The following HIVEP2 variants were observed in gnomAD, a reference collection of about 807,000 sequenced individuals.
HIVEP2 encodes transcription factor HIVEP2.
Under a neutral mutation model 180.7 loss-of-function variants are expected in HIVEP2, and 14 were observed. The ratio of observed to expected loss-of-function variants is 0.08; its 90% CI spans 0.05 to 0.12. The LOEUF (loss-of-function observed/expected upper bound fraction) is 0.12, where lower values mean the gene tolerates loss of function less well. HIVEP2 is among the 10% of genes least tolerant of loss of function. The pLI is 1.00. For missense variants in HIVEP2, 2,579 were observed against 3,008.5 expected, an observed-to-expected ratio of 0.86 and a Z score of 3.34; for synonymous variants, 1,184 against 1,136.4, an observed-to-expected ratio of 1.04 and a Z score of -0.84.
upstream of HIVEP2, among the ~76,000 whole-genome samples, chr6:142,945,492 G>T (rs1217929282): frequency 1.3e-5 from 2 of 152,058 alleles, no homozygotes; most frequent in African/African-American, 2.4e-5. This position sits in a 1 kb window ranked among gnomAD's most constrained non-coding sequence, Gnocchi z 5.5. Context: ...GCCACTTACC[G>T]AGCCGAGGAG....
rs1775201838 is a variant in HIVEP2, at chr6:142,760,537, A to G, written c.5751T>C (p.Asp1917=). The G allele has an allele frequency of 1.9e-6, 3 of 1,613,958 alleles. No individual in the cohort carries two copies. Among genetic ancestry groups the G allele is most frequent in the South Asian group, 1.1e-5 (1 of 91,084 alleles). The change falls in exon 9 of 10, where the codon GAT becomes GAC. Residue 1917 remains aspartate, a synonymous_variant. Transcript: ENST00000367603. ...DGDDNDDDDE[D]EDDFDDQGDL... is the part of the protein sequence containing the mutation. ...CTCCCTGGTCGTCAAAGTCATCTTCATCTTCATCATCATCATCATTATCAT... is the reference window on the plus strand; with the variant it reads ...CTCCCTGGTCGTCAAAGTCATCTTCGTCTTCATCATCATCATCATTATCAT...
intron 1 of HIVEP2, among the ~76,000 whole-genome samples, chr6:142,877,219 T>C (rs953798669): frequency 6.6e-6 from 1 of 152,204 alleles, no homozygotes; most frequent in Admixed American, 6.5e-5. Context: ...CTTCACCATG[T>C]AGTCCAACCT....
chr6:142,757,882 G>A (rs1033597688), intron 9 of HIVEP2, among the ~76,000 whole-genome samples: 4 of 152,138 alleles, frequency 2.6e-5, no homozygotes, highest in Non-Finnish European at 5.9e-5. Flanking sequence ...GCATGTTTGC[G>A]ATAAAGGCTT....
chr6:142,798,585 C>T (rs891640750), intron 2 of HIVEP2, among the ~76,000 whole-genome samples: 6 of 152,088 alleles, frequency 3.9e-5, no homozygotes, highest in Non-Finnish European at 8.8e-5. Flanking sequence ...TACAGTGTTT[C>T]GCCTGGGTTG....
chr6:142,838,271 G>C (rs1271634980), intron 1 of HIVEP2, among the ~76,000 whole-genome samples: 2 of 152,030 alleles, frequency 1.3e-5, no homozygotes, highest in Non-Finnish European at 2.9e-5. Context: ...CTAGATTCTA[G>C]TCTTACTGCT....
intron 1 of HIVEP2, among the ~76,000 whole-genome samples, chr6:142,934,092 C>T (rs1273251359): frequency 6.6e-6 from 1 of 152,204 alleles, no homozygotes; most frequent in Non-Finnish European, 1.5e-5. Flanking sequence ...TAATAAATTG[C>T]ATCAATATCA....
At chr6:142,763,885 C>G (rs1485612790) in intron 7 of HIVEP2, among the ~76,000 whole-genome samples, 1 of 152,192 alleles carries the variant, frequency 6.6e-6, no homozygotes, top group Admixed American at 6.5e-5. Flanking sequence ...CCCATTTACA[C>G]TTCTAGCAAT....
At position 142,771,388 on chromosome 6, in the gene HIVEP2, G is replaced by A. The variant is rs549456999; in HGVS notation, c.3351C>T (p.Ser1117=). ...QLEHLHAGLR[S]GWHHGPPAVL... ...CAGCAGGCGGGCCATGGTGCCACCC[G>A]GACCGGAGGCCAGCATGCAGGTGCT... The change falls in exon 5 of 10, where the codon TCC becomes TCT. Residue 1117 remains serine (S), a synonymous_variant. Transcript: ENST00000367603. The surrounding 1 kb of genome is among the most constrained non-coding windows in gnomAD (Gnocchi z 5.4). 4.6e-5 allele frequency: 74 copies of A among 1,613,028 alleles called. No homozygotes were observed. The South Asian group carries it at 7.0e-4, about 15-fold the overall frequency.
At chr6:142,922,123 A>G (rs986420403) in intron 1 of HIVEP2, among the ~76,000 whole-genome samples, 2 of 151,878 alleles carry the variant, frequency 1.3e-5, no homozygotes, top group Non-Finnish European at 2.9e-5. Context: ...ACAATCTCCC[A>G]CTTGTCCTTT....
intron 1 of HIVEP2, among the ~76,000 whole-genome samples, chr6:142,859,866 A>C (rs1214766919): frequency 1.3e-5 from 2 of 151,258 alleles, no homozygotes; most frequent in Non-Finnish European, 2.9e-5. Context: ...GAAAGAAAGA[A>C]AGAAAAAGAA....
At position 142,773,017 on chromosome 6, in the gene HIVEP2, G is replaced by A. The variant is rs559329860; in HGVS notation, c.1722C>T (p.Asp574=). The change falls in exon 5 of 10, where the codon GAC becomes GAT. Residue 574 remains aspartate, a synonymous_variant. Coordinates refer to ENST00000367603, the MANE Select transcript of HIVEP2 (RefSeq NM_006734.4). The part of the protein sequence containing the change: ...HSFDERMTGS[D]DVFYPGTVGI... ...CCACGGTCCCTGGATAGAATACATC[G>A]TCGGAACCAGTCATCCTTTCATCAA... 461 of 1,614,116 alleles carry A rather than the reference G, an allele frequency of 2.9e-4. 3 individuals carry two copies. The South Asian group carries it at 3.3e-3, about 11-fold the overall frequency.
rs752879933 is a variant in HIVEP2 at position 142,859,470 on chromosome 6, AAAAG to A, written c.-640-22427_-640-22424del. ...AGCAAGACCCAGTCTCAAAAAAAAA[AAAAG>A]AAAGAAAGAAAGAAAAGAATCCACA... On this transcript the variant is annotated intron_variant, in intron 1 of 9. Transcript: ENST00000367603. Among the ~76,000 whole-genome samples, 439 of 151,788 alleles carry A rather than the reference AAAAG, an allele frequency of 2.9e-3. 1 individual carries two copies. The highest frequency in any genetic ancestry group is 4.9e-3 in the Non-Finnish European group (331 of 67,884).
intron 1 of HIVEP2, among the ~76,000 whole-genome samples, chr6:142,900,503 C>T (rs923657224): frequency 2.6e-5 from 4 of 152,144 alleles, no homozygotes; most frequent in African/African-American, 9.7e-5. Flanking sequence ...CTCTTGCCAG[C>T]GCCTACTCTA....
intron 1 of HIVEP2, among the ~76,000 whole-genome samples, chr6:142,861,938 T>C (rs1199290898): frequency 6.6e-6 from 1 of 152,092 alleles, no homozygotes; most frequent in African/African-American, 2.4e-5. Context: ...ATGGGGGAAA[T>C]AGCTTGAGGG....
chr6:142,906,538 T>C (rs1404020486), intron 1 of HIVEP2, among the ~76,000 whole-genome samples: 2 of 151,748 alleles, frequency 1.3e-5, no homozygotes, highest in African/African-American at 4.8e-5. Flanking sequence ...ACAATCATGA[T>C]AAAAATGGGA....
Position 142,772,923 on chromosome 6 carries a change from C to T in HIVEP2, c.1816G>A (p.Val606Met), listed in dbSNP as rs1775590631. Residue 606 changes from valine to methionine, a missense_variant, in exon 5 of 10, where the codon GTG becomes ATG. Physicochemically the swap from Val to Met is conservative, Grantham distance 21. Transcript: ENST00000367603. This position sits in a 1 kb window ranked among gnomAD's most constrained non-coding sequence, Gnocchi z 4.9. Reference sequence around the variant, plus strand: ...ATCCTGCCATGGTGCTCGACTTCCACGTGGCCCTCCTGTACCGAAGGCAGC... The same window carrying T: ...ATCCTGCCATGGTGCTCGACTTCCATGTGGCCCTCCTGTACCGAAGGCAGC... ...FELPSVQEGH[V>M]EVEHHGRMLK... is the part of the protein sequence containing the mutation. The T allele has an allele frequency of 6.2e-6, 10 of 1,614,180 alleles. No homozygotes were observed. Among genetic ancestry groups the T allele is most frequent in the African/African-American group, 2.7e-5 (2 of 75,046 alleles).
intron 2 of HIVEP2, among the ~76,000 whole-genome samples, chr6:142,804,005 T>G (rs1776481853): frequency 6.6e-6 from 1 of 152,184 alleles, no homozygotes; most frequent in Non-Finnish European, 1.5e-5. Context: ...TTATCACCTG[T>G]TTTCACAATC....
intron 2 of HIVEP2, among the ~76,000 whole-genome samples, chr6:142,789,458 T>C (rs974120645): frequency 4.6e-5 from 7 of 152,358 alleles, no homozygotes; most frequent in Non-Finnish European, 7.4e-5. Context: ...AGCAAATATA[T>C]GACTACAAAC....
intron 1 of HIVEP2, among the ~76,000 whole-genome samples, chr6:142,896,622 T>C (rs1777001941): frequency 6.6e-6 from 1 of 152,138 alleles, no homozygotes; most frequent in Non-Finnish European, 1.5e-5. Flanking sequence ...TCCAGATAAA[T>C]AAATTTGCCT....
Sources: allele counts gnomAD v4.1 joint callset (sites outside exome capture counted in the v4.1 genomes callset), GRCh38; gene constraint gnomAD v4.1.1; non-coding constraint Gnocchi (gnomAD v3.1); transcripts MANE v1.5; gene names NCBI Gene and HGNC (gene_info 2026-07-23, HGNC 2026-07-21).